DICER1: variants seen among roughly 807,000 people sequenced by gnomAD.
The protein encoded by DICER1 is dicer 1, ribonuclease III.
In DICER1, 43 loss-of-function variants were observed where a neutral mutation model predicts 194.1. The ratio of observed to expected loss-of-function variants is 0.22; its 90% CI spans 0.17 to 0.29. DICER1 has a LOEUF of 0.29. Among genes scored for constraint, DICER1 ranks in the 10% least tolerant of loss-of-function variants. The probability of loss-of-function intolerance (pLI) is 1.00; values close to 1 mark genes in which losing one functional copy is unlikely to be tolerated. For missense variants in DICER1, 1,608 were observed against 2,317.0 expected (o/e 0.69, Z 6.28); for synonymous variants, 832 against 820.5 (o/e 1.01, Z -0.24).
At position 95,090,633 on chromosome 14, in the gene DICER1, G is replaced by C. The variant is rs2139766820; in HGVS notation, c.5634C>G (p.Val1878=). The change falls in exon 27 of 27, where the codon GTC becomes GTG. Residue 1878 remains valine (V), a synonymous_variant. Coordinates refer to ENST00000343455, the MANE Select transcript of DICER1 (RefSeq NM_177438.3). ...SPAERTYDGK[V]RVTVEVVGKG... Reference sequence around the variant, plus strand: ...TTCCTACTACTTCCACAGTGACTCTGACCTTCCCGTCGTAAGTTCTCTCAG... The same window carrying C: ...TTCCTACTACTTCCACAGTGACTCTCACCTTCCCGTCGTAAGTTCTCTCAG... The C allele has an allele frequency of 6.2e-7, 1 of 1,614,090 alleles. No homozygotes were observed. The highest frequency in any genetic ancestry group is 8.5e-7 in the Non-Finnish European group (1 of 1,180,016).
In DICER1 at chr14:95,113,200, A is replaced by G. The variant is rs1209254901; in HGVS notation, c.1932T>C (p.Asp644=). The G allele has an allele frequency of 6.2e-7, 1 of 1,613,874 alleles. No individual in the cohort carries two copies. Among genetic ancestry groups the G allele is most frequent in the Non-Finnish European group, 8.5e-7 (1 of 1,179,718 alleles). Residue 644 remains aspartate (D), a synonymous_variant, in exon 12 of 27, where the codon GAT becomes GAC. Transcript: ENST00000343455. ...INRYCARLPS[D]PFTHLAPKCR... is the part of the protein sequence containing the mutation. ...ATTTAGGAGCTAGATGAGTAAACGG[A>G]TCACTTGGTAATCTAGCACAGTATC...
In DICER1 at chr14:95,108,099, C is replaced by T. The variant is rs1595381016; in HGVS notation, c.2437-6G>A. ...TACACAGGAAAGTGTGGAATCTTAG[C>T]AAAAGGAAATGTAAAGCACCCCTCA... is the stretch of plus-strand genomic sequence containing the variant. On this transcript the variant is annotated splice_region_variant and splice_polypyrimidine_tract_variant and intron_variant, in intron 15 of 26. Coordinates refer to ENST00000343455, the MANE Select transcript of DICER1 (RefSeq NM_177438.3). 6.2e-7 allele frequency: 1 copy of T among 1,604,870 alleles called. No homozygotes were observed. The highest frequency in any genetic ancestry group is 1.3e-5 in the African/African-American group (1 of 74,644).
intron 14 of DICER1, among the ~76,000 whole-genome samples, chr14:95,109,307 CA>C (rs752053350): frequency 1.3e-5 from 2 of 152,108 alleles, no homozygotes; most frequent in Non-Finnish European, 2.9e-5. Flanking sequence ...TTAAAAGGTA[CA>C]AAAATGCTGG....
chr14:95,130,316 A>G, intron 4 of DICER1, 124 bp from the exon 5 acceptor site: 1 of 884,590 alleles, frequency 1.1e-6, no homozygotes. Flanking sequence ...GTCAAAATTA[A>G]AACTAAAATA....
At chr14:95,125,570 A>G (rs868168097) in intron 7 of DICER1, among the ~76,000 whole-genome samples, 1 of 60,540 alleles carries the variant, frequency 1.7e-5, no homozygotes, top group Non-Finnish European at 3.1e-5. Flanking sequence ...GGAGAGGGGA[A>G]AGGTGGGGGA....
At chr14:95,097,815 A>G (rs918661909) in intron 22 of DICER1, among the ~76,000 whole-genome samples, 3 of 152,220 alleles carry the variant, frequency 2.0e-5, no homozygotes, top group Non-Finnish European at 4.4e-5. Flanking sequence ...AAGCCAAGCC[A>G]TATCTCTAAC....
chr14:95,157,138 G>C (rs549751864), intron 1 of DICER1, 92 bp downstream of exon 1: 1 of 150,020 alleles, frequency 6.7e-6, no homozygotes, highest in African/African-American at 2.4e-5. Flanking sequence ...GGCCATGGCC[G>C]GCACGCGGGC....
At chr14:95,146,197 T>C (rs139953938) in intron 1 of DICER1, among the ~76,000 whole-genome samples, 172 of 152,304 alleles carry the variant, frequency 1.1e-3, no homozygotes, top group African/African-American at 3.9e-3. Flanking sequence ...ATACACAGTA[T>C]TTTTTGTTTG....
chr14:95,095,815 G>T lies in DICER1; in HGVS notation c.5095+10C>A. 1 of 1,613,862 alleles carries T rather than the reference G, an allele frequency of 6.2e-7. No homozygotes were observed. Among genetic ancestry groups the T allele is most frequent in the South Asian group, 1.1e-5 (1 of 91,056 alleles). ...TTCCCAGAAATGAAGTCTGGTCGTG[G>T]GCTCCTTACCAGTGATAGTATTGTA... is the stretch of plus-strand genomic sequence containing the variant. On this transcript the variant is annotated intron_variant, in intron 23 of 26. Coordinates refer to ENST00000343455, the MANE Select transcript of DICER1 (RefSeq NM_177438.3).
chr14:95,111,448 C>G lies in DICER1; in HGVS notation c.2125G>C (p.Asp709His). ...TTCCCAACTGGCATCAAATGGTCAT[C>G]CAGTTCGCCTAACAAATTTAAAGAG... Reference protein sequence around the residue: ...CEKLHKIGELDDHLMPVGKET... With the variant: ...CEKLHKIGELHDHLMPVGKET... Residue 709 changes from aspartate (D) to histidine (H), a missense_variant, in exon 14 of 27, where the codon GAT (aspartate) becomes CAT (histidine). By Grantham distance (81) the Asp-to-His change is moderately conservative. Coordinates refer to ENST00000343455, the MANE Select transcript of DICER1 (RefSeq NM_177438.3). The G allele has an allele frequency of 6.2e-7, 1 of 1,614,080 alleles. No individual in the cohort carries two copies. The highest frequency in any genetic ancestry group is 8.5e-7 in the Non-Finnish European group (1 of 1,179,970).
At chr14:95,092,038 T>C (rs1889890471) in intron 24 of DICER1, among the ~76,000 whole-genome samples, 1 of 152,186 alleles carries the variant, frequency 6.6e-6, no homozygotes. Context: ...GGTAACTAGA[T>C]ACATAAGCGT....
intron 24 of DICER1, among the ~76,000 whole-genome samples, chr14:95,092,839 T>C (rs1290305095): frequency 6.6e-6 from 1 of 152,232 alleles, no homozygotes; most frequent in Non-Finnish European, 1.5e-5. Flanking sequence ...TTCTAAAGAA[T>C]GAGACTAGGT....
Position 95,105,626 on chromosome 14 carries a change from T to C in DICER1, c.3093+52A>G. 1.5e-6 allele frequency: 2 copies of C among 1,294,060 alleles called. No individual in the cohort carries two copies. The highest frequency in any genetic ancestry group is 2.2e-6 in the Non-Finnish European group (2 of 892,622). The allele number at this position is 1,294,060 out of a possible 1,614,324, so 80.2% of individuals were successfully genotyped here. A position where few individuals can be genotyped will look rare whatever the true frequency, so the allele number is the denominator to read the frequency against. On this transcript the variant is annotated intron_variant, in intron 19 of 26. Transcript: ENST00000343455. The surrounding 1 kb of genome is among the most constrained non-coding windows in gnomAD (Gnocchi z 4.9). The stretch of plus-strand genomic sequence containing the variant: ...TAAAATTCAAACTTATCTTTAATAA[T>C]CTTTAATACTCAAACAAATACTAAG...
chr14:95,144,899 T>G (rs1895035991), intron 1 of DICER1, among the ~76,000 whole-genome samples: 1 of 152,172 alleles, frequency 6.6e-6, no homozygotes, highest in African/African-American at 2.4e-5. Flanking sequence ...AGAACAATCC[T>G]TATCACAGCA....
Position 95,087,796 on chromosome 14 carries a change from TTACACAC to T in DICER1, c.*2695_*2701del, listed in dbSNP as rs1889457299. On this transcript the variant is annotated 3_prime_UTR_variant, in exon 27 of 27. Transcript: ENST00000343455. ...TTTCAAGACACGCCTCCCCAGTCCT[TTACACAC>T]GTGCTCAGGGCACAACCACACCCCA... 1.3e-5 allele frequency: 3 copies of T among 233,138 alleles called. No individual in the cohort carries two copies. Among genetic ancestry groups the T allele is most frequent in the African/African-American group, 6.6e-5 (3 of 45,346 alleles). The allele number at this position is 233,138 out of a possible 1,614,324, so 14.4% of individuals were successfully genotyped here. A position where few individuals can be genotyped will look rare whatever the true frequency, so the allele number is the denominator to read the frequency against.
Position 95,088,707 on chromosome 14 carries a change from G to C in DICER1, c.*1791C>G, listed in dbSNP as rs1889533699. The C allele has an allele frequency of 8.6e-6, 2 of 232,868 alleles. No individual in the cohort carries two copies. Among genetic ancestry groups the C allele is most frequent in the East Asian group, 1.2e-4 (2 of 16,502 alleles). 14.4% of individuals were successfully genotyped at this position (232,868 alleles called of 1,614,324 possible). A position where few individuals can be genotyped will look rare whatever the true frequency, so the allele number is the denominator to read the frequency against. On this transcript the variant is annotated 3_prime_UTR_variant, in exon 27 of 27. Transcript: ENST00000343455. ...AGATTGGAGACAACAAAAAACACTGGAGAAGCTTAATACCCCCCTCACTCA... is the reference window on the plus strand; with the variant it reads ...AGATTGGAGACAACAAAAAACACTGCAGAAGCTTAATACCCCCCTCACTCA...
intron 8 of DICER1, among the ~76,000 whole-genome samples, chr14:95,122,934 A>ACGCG (rs776119598): frequency 5.5e-5 from 8 of 146,598 alleles, no homozygotes; most frequent in South Asian, 2.1e-4. Context: ...GCGTGCGTGT[A>ACGCG]CGCGCGCGCG....
At chr14:95,108,575 A>G (rs1471885274) in intron 14 of DICER1, 72 bp from the exon 15 acceptor site, 2 of 1,369,128 alleles carry the variant, frequency 1.5e-6, no homozygotes, top group Non-Finnish European at 2.1e-6. Flanking sequence ...CAGCAAGAAA[A>G]CAAATTAATT....
At chr14:95,157,172 G>T (rs1652629980) in intron 1 of DICER1, 58 bp downstream of exon 1, 1 of 149,848 alleles carries the variant, frequency 6.7e-6, no homozygotes. Context: ...CGGGAGCGCG[G>T]CCAGGCGACC....
Sources: allele counts gnomAD v4.1 joint callset (sites outside exome capture counted in the v4.1 genomes callset), GRCh38; gene constraint gnomAD v4.1.1; non-coding constraint Gnocchi (gnomAD v3.1); transcripts MANE v1.5; gene names NCBI Gene and HGNC (gene_info 2026-07-23, HGNC 2026-07-21).